Variants in CCDC7 observed in about 807,000 individuals in gnomAD.
The protein encoded by CCDC7 is coiled-coil domain containing 7.
CCDC7 carries 183 observed loss-of-function variants against 196.9 expected under a neutral mutation model. That is an observed-to-expected ratio of 0.93 (90% CI 0.82 to 1.05). CCDC7 has a LOEUF of 1.05. Ranked by LOEUF, CCDC7 falls within the 50% of genes least tolerant of loss-of-function variation. The probability of loss-of-function intolerance (pLI) is 0.00; values close to 1 mark genes in which losing one functional copy is unlikely to be tolerated. For synonymous variants in CCDC7, 525 were observed against 484.6 expected, an observed-to-expected ratio of 1.08 and a Z score of -1.10; for missense variants, 1,540 against 1,482.2, an observed-to-expected ratio of 1.04 and a Z score of -0.64.
intron 20 of CCDC7, among the ~76,000 whole-genome samples, chr10:32,644,324 G>A (rs139527066): frequency 2.0e-5 from 3 of 152,136 alleles, no homozygotes; most frequent in East Asian, 1.9e-4. Flanking sequence ...ATCTGTGTAC[G>A]CATTAATAAG....
chr10:32,855,957 T>G (rs533690401), intron 41 of CCDC7, among the ~76,000 whole-genome samples: 123 of 152,042 alleles, frequency 8.1e-4, no homozygotes, highest in African/African-American at 2.7e-3. Context: ...TTTACAAGAG[T>G]GCTAAGACTA....
chr10:32,845,883 T>G (rs77450542), exon 36 of CCDC7: 1 of 1,607,868 alleles, frequency 6.2e-7, no homozygotes, highest in South Asian at 1.1e-5. Context: ...TAGAGACTGA[T>G]AAGGAATTCT....
At chr10:32,506,179 G>A (rs562803094) in intron 9 of CCDC7, among the ~76,000 whole-genome samples, 6 of 146,754 alleles carry the variant, frequency 4.1e-5, no homozygotes, top group South Asian at 4.4e-4. Flanking sequence ...CTTCCCATTC[G>A]GGGCAGCCAG....
At chr10:32,852,766 A>G (rs1189967640) in intron 40 of CCDC7, among the ~76,000 whole-genome samples, 1 of 152,206 alleles carries the variant, frequency 6.6e-6, no homozygotes, top group Non-Finnish European at 1.5e-5. Context: ...TACATGCAAT[A>G]TAAAAGGAAA....
intron 26 of CCDC7, among the ~76,000 whole-genome samples, chr10:32,727,124 A>T (rs1163558386): frequency 6.6e-6 from 1 of 152,046 alleles, no homozygotes; most frequent in African/African-American, 2.4e-5. Context: ...ACTCTGGGAG[A>T]TTAGTTTCCT....
chr10:32,828,485 G>GAGAAGAAGAA, intron 32 of CCDC7, among the ~76,000 whole-genome samples: 1 of 49,750 alleles, frequency 2.0e-5, no homozygotes, highest in Admixed American at 2.4e-4. Context: ...AAGAGGAAGA[G>GAGAAGAAGAA]GAAGAAGAAG....
intron 28 of CCDC7, among the ~76,000 whole-genome samples, chr10:32,757,620 T>C (rs1016577140): frequency 1.3e-5 from 2 of 152,208 alleles, no homozygotes; most frequent in Non-Finnish European, 2.9e-5. Flanking sequence ...GAGGGAAACT[T>C]ATAGCACTAA....
At chr10:32,666,286 C>T (rs1042051698) in intron 21 of CCDC7, among the ~76,000 whole-genome samples, 26 of 151,732 alleles carry the variant, frequency 1.7e-4, no homozygotes, top group African/African-American at 4.9e-4. Context: ...CTATCATTTA[C>T]TGAATTACTA....
intron 24 of CCDC7, among the ~76,000 whole-genome samples, chr10:32,700,485 G>A (rs1291465880): frequency 2.0e-5 from 3 of 152,084 alleles, no homozygotes; most frequent in Non-Finnish European, 2.9e-5. Context: ...AAGTCAGGTA[G>A]CGTGATGCCT....
chr10:32,531,936 C>CT (rs1371987921), intron 11 of CCDC7, among the ~76,000 whole-genome samples: 2 of 152,104 alleles, frequency 1.3e-5, no homozygotes, highest in South Asian at 2.1e-4. Flanking sequence ...GGGTTTTTCT[C>CT]TTTTTTCTTA....
At chr10:32,558,703 AGG>A (rs1388981993) in intron 13 of CCDC7, among the ~76,000 whole-genome samples, 6 of 152,230 alleles carry the variant, frequency 3.9e-5, no homozygotes, top group African/African-American at 1.2e-4. Context: ...ATGGCCGAAT[AGG>A]AACAGCTCCG....
chr10:32,522,765 A>G (rs1196255854), intron 11 of CCDC7, among the ~76,000 whole-genome samples: 1 of 151,658 alleles, frequency 6.6e-6, no homozygotes, highest in Non-Finnish European at 1.5e-5. Context: ...ATTTATGTGA[A>G]ATTTTTCTTC....
chr10:32,668,769 T>A (rs575059071), intron 21 of CCDC7, among the ~76,000 whole-genome samples: 2 of 152,286 alleles, frequency 1.3e-5, no homozygotes, highest in East Asian at 3.9e-4. Flanking sequence ...TGGAATCGGT[T>A]TGACAGTATT....
chr10:32,628,869 GA>G (rs1270056590), intron 18 of CCDC7, among the ~76,000 whole-genome samples: 1 of 152,164 alleles, frequency 6.6e-6, no homozygotes, highest in East Asian at 1.9e-4. Flanking sequence ...AAAGATATTT[GA>G]TATGATTTCA....
At chr10:32,718,007 G>C (rs1178697332) in intron 25 of CCDC7, among the ~76,000 whole-genome samples, 2 of 151,812 alleles carry the variant, frequency 1.3e-5, no homozygotes, top group African/African-American at 4.8e-5. Context: ...AATAGAGAAA[G>C]AGGGAATCTT....
At chr10:32,834,544 T>C (rs962991891) in intron 32 of CCDC7, among the ~76,000 whole-genome samples, 4 of 152,116 alleles carry the variant, frequency 2.6e-5, no homozygotes, top group African/African-American at 9.7e-5. Context: ...TATTTCTGTA[T>C]AAGTTTTATA....
chr10:32,575,191 G>A (rs2058053448), intron 16 of CCDC7, among the ~76,000 whole-genome samples: 1 of 152,096 alleles, frequency 6.6e-6, no homozygotes, highest in African/African-American at 2.4e-5. Context: ...TGAAGAAAAG[G>A]CATTATCTAA....
At chr10:32,455,193 C>T (rs574201026) in intron 2 of CCDC7, among the ~76,000 whole-genome samples, 1 of 151,602 alleles carries the variant, frequency 6.6e-6, no homozygotes, top group Non-Finnish European at 1.5e-5. Context: ...TCATTTTCCT[C>T]TCTGCTGGAT....
intron 9 of CCDC7, chr10:32,511,254 T>TGGGGG (rs1167793491): frequency 1.2e-5 from 7 of 594,036 alleles, no homozygotes; most frequent in Admixed American, 3.7e-5. Context: ...AATTATTCTG[T>TGGGGG]GGGGGGCGGG....
Sources: allele counts gnomAD v4.1 joint callset (sites outside exome capture counted in the v4.1 genomes callset), GRCh38; gene constraint gnomAD v4.1.1; transcripts MANE v1.5; gene names NCBI Gene and HGNC (gene_info 2026-07-23, HGNC 2026-07-21).